Variants in NPAT observed in about 807,000 individuals in gnomAD.
The protein encoded by NPAT is protein NPAT.
NPAT carries 52 observed loss-of-function variants against 130.7 expected under a neutral mutation model. That is an observed-to-expected ratio of 0.40 (90% CI 0.32 to 0.50). The LOEUF (loss-of-function observed/expected upper bound fraction) is 0.50, where lower values mean the gene tolerates loss of function less well. Ranked by LOEUF, NPAT falls within the 20% of genes least tolerant of loss-of-function variation. NPAT has a pLI of 0.68. For synonymous variants in NPAT, 580 were observed against 584.8 expected (o/e 0.99, Z 0.12); for missense variants, 1,687 against 1,662.6 (o/e 1.01, Z -0.26).
intron 1 of NPAT, among the ~76,000 whole-genome samples, chr11:108,208,865 T>G (rs2134891779): frequency 6.6e-6 from 1 of 152,290 alleles, no homozygotes; most frequent in East Asian, 1.9e-4. Flanking sequence ...TTTTCTCAAG[T>G]GTACATGGAA....
At chr11:108,195,330 C>T (rs940616152) in intron 2 of NPAT, among the ~76,000 whole-genome samples, 1 of 152,182 alleles carries the variant, frequency 6.6e-6, no homozygotes, top group African/African-American at 2.4e-5. Flanking sequence ...AGAGTTCCTG[C>T]TGCTCTGCAT....
intron 1 of NPAT, among the ~76,000 whole-genome samples, chr11:108,217,090 C>A (rs528258461): frequency 9.9e-5 from 15 of 152,246 alleles, no homozygotes; most frequent in Non-Finnish European, 4.4e-5. Context: ...TGGGTTTTCT[C>A]CAGGTACACG....
intron 1 of NPAT, among the ~76,000 whole-genome samples, chr11:108,209,379 G>A (rs2134892623): frequency 6.6e-6 from 1 of 152,314 alleles, no homozygotes; most frequent in Admixed American, 6.5e-5. Context: ...GCTGAGGCAG[G>A]AGAGTACCAT....
In NPAT at chr11:108,172,517, CAG is replaced by C. The variant is rs779617755; in HGVS notation, c.2465_2466del (p.Ser822CysfsTer8). 2.5e-6 allele frequency: 4 copies of C among 1,614,182 alleles called. No individual in the cohort carries two copies. Among genetic ancestry groups the C allele is most frequent in the Admixed American group, 1.7e-5 (1 of 60,028 alleles). ...QSLLTFKSED[S>X]AVNNTQNEDG... is the part of the protein sequence containing the mutation. ...TCTTCATTCTGAGTATTGTTTACTGCAGAGTCTTCAGATTTGAATGTTAAAAG... is the reference window on the plus strand; with the variant it reads ...TCTTCATTCTGAGTATTGTTTACTGCAGTCTTCAGATTTGAATGTTAAAAG... On this transcript the variant is annotated frameshift_variant, in exon 13 of 18. Transcript: ENST00000278612. LOFTEE classifies it high-confidence loss of function.
rs1565311086 is a variant in NPAT, at chr11:108,172,956, TAA to T, written c.2026_2027del (p.Leu676ArgfsTer5). ...CTTTCTCACAGTTAGCATTTCCACC[TAA>T]AGAGAGAAAAATAGTATTCTCTTCT... ...VKEENTIFLS[L>X]GGNANCEKVA... On this transcript the variant is annotated frameshift_variant, in exon 13 of 18. Transcript: ENST00000278612. LOFTEE classifies it high-confidence loss of function. 6.2e-7 allele frequency: 1 copy of T among 1,614,128 alleles called. No homozygotes were observed. The highest frequency in any genetic ancestry group is 8.5e-7 in the Non-Finnish European group (1 of 1,180,020).
rs1478054151 is a variant in NPAT at position 108,222,542 on chromosome 11, AAACCACAGCAGG to A, written c.-18_-7del. 1.2e-6 allele frequency: 2 copies of A among 1,613,908 alleles called. No individual in the cohort carries two copies. The highest frequency in any genetic ancestry group is 1.7e-6 in the Non-Finnish European group (2 of 1,179,936). On this transcript the variant is annotated 5_prime_UTR_variant, in exon 1 of 18. Transcript: ENST00000278612. The stretch of plus-strand genomic sequence containing the variant: ...ACGTCCGAGGGTAACAACATGATCA[AAACCACAGCAGG>A]AACCACAATAAGGAACAAGACTCAG...
At chr11:108,199,019 A>T (rs2078249859) in intron 1 of NPAT, among the ~76,000 whole-genome samples, 1 of 152,232 alleles carries the variant, frequency 6.6e-6, no homozygotes, top group African/African-American at 2.4e-5. Context: ...GGGCTGGGCC[A>T]GCCCAGGACT....
In NPAT at chr11:108,189,298, G is replaced by A. The variant is rs199851567; in HGVS notation, c.364C>T (p.Arg122Trp). ...GTTTGAGATGCAAGCTTTCTCTGCCGTTTGATTTCTGCAATTCCAGTTCTC... is the reference window on the plus strand; with the variant it reads ...GTTTGAGATGCAAGCTTTCTCTGCCATTTGATTTCTGCAATTCCAGTTCTC... ...RTRTGIAEIK[R>W]QRKLASQTAP... The change falls in exon 6 of 18, where the codon CGG (arginine) becomes TGG (tryptophan). Residue 122 changes from arginine to tryptophan, a missense_variant. By Grantham distance (101) the Arg-to-Trp change is moderately radical (BLOSUM62 -3). Around this residue, in one of 3 missense-constraint regions of NPAT, gnomAD observed 307 missense variants for 298.9 expected, o/e 1.03. Coordinates refer to ENST00000278612, the MANE Select transcript of NPAT (RefSeq NM_002519.3). 23 of 1,614,022 alleles carry A rather than the reference G, an allele frequency of 1.4e-5. No individual in the cohort carries two copies. Among genetic ancestry groups the A allele is most frequent in the East Asian group, 1.3e-4 (6 of 44,892 alleles).
intron 1 of NPAT, among the ~76,000 whole-genome samples, chr11:108,203,655 G>T (rs995595138): frequency 6.6e-6 from 1 of 152,110 alleles, no homozygotes; most frequent in African/African-American, 2.4e-5. Flanking sequence ...CCCTTGTTCT[G>T]TTCCTCACAA....
chr11:108,184,471 C>A (rs1398240295), intron 10 of NPAT, among the ~76,000 whole-genome samples: 49 of 140,568 alleles, frequency 3.5e-4, no homozygotes, highest in Non-Finnish European at 3.5e-4. Context: ...GACTCCATCT[C>A]AAAAAAAAAA....
At chr11:108,197,485 T>C in intron 1 of NPAT, 65 bp from the exon 2 acceptor site, 1 of 1,005,910 alleles carries the variant, frequency 9.9e-7, no homozygotes, top group Admixed American at 1.7e-5. Flanking sequence ...AAACTGCTAT[T>C]GAAAATGCTG....
Position 108,188,152 on chromosome 11 carries a change from C to G in NPAT, c.584G>C (p.Gly195Ala), listed in dbSNP as rs541439673. Residue 195 changes from glycine (G) to alanine (A), a missense_variant, in exon 7 of 18, where the codon GGT becomes GCT. Around this residue, in one of 3 missense-constraint regions of NPAT, gnomAD observed 307 missense variants for 298.9 expected, o/e 1.03. Transcript: ENST00000278612. ...GGCATGTGCTTTCTTTTCCTGAGCA[C>G]CAGGAATGACATTTAAAGCTTCTCC... ...TTGEALNVIP[G>A]AQEKKAHASL... The G allele has an allele frequency of 2.5e-6, 4 of 1,612,324 alleles. No homozygotes were observed. The highest frequency in any genetic ancestry group is 3.4e-6 in the Non-Finnish European group (4 of 1,179,416).
chr11:108,166,688 G>A (rs987968774), intron 15 of NPAT, among the ~76,000 whole-genome samples: 10 of 152,046 alleles, frequency 6.6e-5, no homozygotes, highest in African/African-American at 2.4e-4. Context: ...TTTAATTACT[G>A]TGGCTCTGCA....
At position 108,189,397 on chromosome 11, in the gene NPAT, A is replaced by G. The variant is rs191293525; in HGVS notation, c.332-67T>C. 3.4e-5 allele frequency: 45 copies of G among 1,311,624 alleles called. No individual in the cohort carries two copies. The East Asian group carries it at 9.4e-4, about 27-fold the overall frequency. The allele number at this position is 1,311,624 out of a possible 1,614,324, so 81.2% of individuals were successfully genotyped here. A position where few individuals can be genotyped will look rare whatever the true frequency, so the allele number is the denominator to read the frequency against. ...GTAGTTTGGGAATTGTAAGAAGTCAATATGATGCAACCTATTATATAACAA... is the reference window on the plus strand; with the variant it reads ...GTAGTTTGGGAATTGTAAGAAGTCAGTATGATGCAACCTATTATATAACAA... On this transcript the variant is annotated intron_variant, in intron 5 of 17. Transcript: ENST00000278612.
In NPAT at chr11:108,182,560, C is replaced by T. The variant is rs532391310; in HGVS notation, c.906+2672G>A. ...TCGCCTACGCTGGAGTGCAGTGGCG[C>T]GATCTCGCCTCACTGCAAACTCCGC... On this transcript the variant is annotated intron_variant, in intron 10 of 17. Coordinates refer to ENST00000278612, the MANE Select transcript of NPAT (RefSeq NM_002519.3). Among the ~76,000 whole-genome samples, 10 of 152,368 alleles carry T rather than the reference C, an allele frequency of 6.6e-5. No individual in the cohort carries two copies. In the East Asian group the frequency reaches 1.9e-3, roughly 29 times the overall value.
At chr11:108,181,025 G>C (rs187711988) in intron 10 of NPAT, among the ~76,000 whole-genome samples, 2 of 152,166 alleles carry the variant, frequency 1.3e-5, no homozygotes, top group Admixed American at 1.3e-4. Flanking sequence ...TGGTTGGCAG[G>C]GGATAGGAAA....
intron 7 of NPAT, among the ~76,000 whole-genome samples, chr11:108,186,971 A>G (rs1383425352): frequency 6.6e-6 from 1 of 152,176 alleles, no homozygotes; most frequent in Non-Finnish European, 1.5e-5. Flanking sequence ...AATTCAAAAA[A>G]ATGAGTTTGA....
intron 1 of NPAT, among the ~76,000 whole-genome samples, chr11:108,201,955 T>C (rs1268125935): frequency 1.3e-5 from 2 of 152,158 alleles, no homozygotes; most frequent in Non-Finnish European, 2.9e-5. Context: ...AGATGGAAGT[T>C]CTTTTGTGGA....
chr11:108,182,088 C>T (rs1383262337), intron 10 of NPAT, among the ~76,000 whole-genome samples: 1 of 152,142 alleles, frequency 6.6e-6, no homozygotes, highest in African/African-American at 2.4e-5. Context: ...ATAGAGAGAG[C>T]TGTGTCTTGC....
Sources: gnomAD v4.1 joint callset for allele counts (sites outside exome capture counted in the v4.1 genomes callset) on GRCh38, gnomAD v4.1.1 for gene constraint, gnomAD v4.1.1 regional missense constraint, MANE v1.5 for transcripts, NCBI Gene and HGNC (gene_info 2026-07-23, HGNC 2026-07-21) for gene names.